The following PALLD variants were observed in gnomAD, a reference collection of about 807,000 sequenced individuals.
PALLD encodes palladin.
PALLD carries 61 observed loss-of-function variants against 123.5 expected under a neutral mutation model. That is an observed-to-expected ratio of 0.49 (90% confidence interval 0.40 to 0.61). The LOEUF is 0.61. PALLD is among the 20% of genes least tolerant of loss of function. The pLI is 0.00. For missense variants in PALLD, 1,273 were observed against 1,377.0 expected (o/e 0.92, Z 1.20); for synonymous variants, 465 against 496.4 (o/e 0.94, Z 0.84).
intron 10 of PALLD, among the ~76,000 whole-genome samples, chr4:168,783,062 G>A (rs906022408): frequency 5.9e-4 from 87 of 148,428 alleles, no homozygotes; most frequent in African/African-American, 2.0e-3. Context: ...GTGTGTGTGT[G>A]TGTGTGTGTG....
chr4:168,679,150 TG>T (rs1407793849), intron 3 of PALLD, among the ~76,000 whole-genome samples: 6 of 71,076 alleles, frequency 8.4e-5, no homozygotes, highest in African/African-American at 3.8e-4. Context: ...ATGTGGTGTG[TG>T]GGGGGTGTGT....
intron 10 of PALLD, among the ~76,000 whole-genome samples, chr4:168,873,513 T>C (rs779876636): frequency 4.6e-5 from 7 of 152,240 alleles, no homozygotes; most frequent in Non-Finnish European, 7.3e-5. Flanking sequence ...AATCCAGATA[T>C]TGCTCCAGAG....
At chr4:168,604,732 C>A (rs2149738467) in intron 2 of PALLD, among the ~76,000 whole-genome samples, 1 of 152,330 alleles carries the variant, frequency 6.6e-6, no homozygotes, top group South Asian at 2.1e-4. Flanking sequence ...GAAATGCTCG[C>A]TACCTAACAA....
chr4:168,899,138 A>C (rs1382427228), intron 14 of PALLD, among the ~76,000 whole-genome samples: 1 of 152,168 alleles, frequency 6.6e-6, no homozygotes, highest in African/African-American at 2.4e-5. Flanking sequence ...TCCAATCTTT[A>C]ATCAAAAAAC....
At chr4:168,764,443 G>A (rs922154312) in intron 10 of PALLD, among the ~76,000 whole-genome samples, 3 of 152,102 alleles carry the variant, frequency 2.0e-5, no homozygotes, top group Non-Finnish European at 4.4e-5. Context: ...ATCTTTCTAT[G>A]TTGTCCAGGC....
chr4:168,736,783 C>G (rs1010407992), intron 10 of PALLD, among the ~76,000 whole-genome samples: 1 of 152,152 alleles, frequency 6.6e-6, no homozygotes, highest in African/African-American at 2.4e-5. Context: ...AACACTGACC[C>G]TCAAGTTTGT....
In PALLD at chr4:168,704,485, C is replaced by T. The variant is rs548924788; in HGVS notation, c.1502-4543C>T. Among the ~76,000 whole-genome samples the T allele has an allele frequency of 3.3e-5, 5 of 152,072 alleles. No homozygotes were observed. The East Asian group carries it at 5.8e-4, about 18-fold the overall frequency. Reference sequence around the variant, plus strand: ...AGGAGATCCAGACCATCCTGGCTAACACAGTGAAACCCCGTCTCTACTAAA... The same window carrying T: ...AGGAGATCCAGACCATCCTGGCTAATACAGTGAAACCCCGTCTCTACTAAA... On this transcript the variant is annotated intron_variant, in intron 8 of 21. Coordinates refer to ENST00000505667, the MANE Select transcript of PALLD (RefSeq NM_001166108.2).
chr4:168,717,331 C>A (rs920565489), intron 10 of PALLD, among the ~76,000 whole-genome samples: 1 of 151,906 alleles, frequency 6.6e-6, no homozygotes, highest in Non-Finnish European at 1.5e-5. Context: ...ATCTGCCTAA[C>A]GTTCTTTTTT....
intron 10 of PALLD, among the ~76,000 whole-genome samples, chr4:168,792,223 G>A (rs189617652): frequency 2.0e-5 from 3 of 152,194 alleles, no homozygotes; most frequent in Admixed American, 2.0e-4. Flanking sequence ...GGAGTCCCCA[G>A]CTTCCTTGTC....
chr4:168,729,510 CA>C, intron 10 of PALLD, among the ~76,000 whole-genome samples: 1 of 152,220 alleles, frequency 6.6e-6, no homozygotes, highest in African/African-American at 2.4e-5. Context: ...TTTCCTGCTC[CA>C]AAAGTAGTGC....
chr4:168,803,404 A>G lies in PALLD; in HGVS notation c.1965-87518A>G, dbSNP rs72988919. 2.9e-3 allele frequency among the ~76,000 whole-genome samples: 442 copies of G among 152,326 alleles called. 1 individual carries two copies. Among genetic ancestry groups the G allele is most frequent in the African/African-American group, 0.01 (421 of 41,566 alleles). ...ACTTGCATATATACTCCCTGAATCT[A>G]AAATAAAAGTTGAAAAAAATTTTAA... On this transcript the variant is annotated intron_variant, in intron 10 of 21. Coordinates refer to ENST00000505667, the MANE Select transcript of PALLD (RefSeq NM_001166108.2).
intron 2 of PALLD, among the ~76,000 whole-genome samples, chr4:168,599,978 T>TATACATACATGTGTGTACACACACATAC (rs1772388842): frequency 6.7e-6 from 1 of 148,282 alleles, no homozygotes; most frequent in African/African-American, 2.5e-5. Flanking sequence ...CACACACATA[T>TATACATACATGTGTGTACACACACATAC]ATACATACAT....
intron 10 of PALLD, among the ~76,000 whole-genome samples, chr4:168,761,641 G>GTTTTT (rs1230404942): frequency 1.2e-3 from 14 of 11,630 alleles, no homozygotes; most frequent in East Asian, 9.1e-3. Context: ...TGTTGTTGTT[G>GTTTTT]TTTGTTTTTT....
At chr4:168,627,493 G>A (rs1285577200) in intron 2 of PALLD, among the ~76,000 whole-genome samples, 2 of 152,180 alleles carry the variant, frequency 1.3e-5, no homozygotes, top group African/African-American at 4.8e-5. Flanking sequence ...CTGGGTGACA[G>A]AGTGAGACTC....
chr4:168,557,096 T>C, intron 2 of PALLD, among the ~76,000 whole-genome samples: 1 of 150,150 alleles, frequency 6.7e-6, no homozygotes, highest in East Asian at 1.9e-4. Flanking sequence ...CAGGCTGGAG[T>C]GCAGTGACGG....
chr4:168,532,011 T>C (rs754348592), intron 2 of PALLD, among the ~76,000 whole-genome samples: 2 of 152,210 alleles, frequency 1.3e-5, no homozygotes, highest in Non-Finnish European at 2.9e-5. Context: ...TGGGGCTTTG[T>C]TGTACAGATT....
intron 10 of PALLD, among the ~76,000 whole-genome samples, chr4:168,850,765 C>T (rs992528616): frequency 2.6e-5 from 4 of 151,930 alleles, no homozygotes; most frequent in African/African-American, 4.8e-5. Context: ...TTCCTGACCT[C>T]AGGTGATCCG....
At chr4:168,841,656 T>C (rs567397511) in intron 10 of PALLD, among the ~76,000 whole-genome samples, 6 of 152,310 alleles carry the variant, frequency 3.9e-5, no homozygotes, top group African/African-American at 1.2e-4. Context: ...GGCTCTATAA[T>C]ATCTGAGCTC....
In PALLD at chr4:168,894,682, C is replaced by T; in HGVS notation, c.2199+5C>T. On this transcript the variant is annotated splice_donor_5th_base_variant and intron_variant, in intron 12 of 21. Transcript: ENST00000505667. ...GAAGAGGAAACAGCTAATCAGGTACCATGTTGCTCTGGACTTCTTAGGGTA... is the reference window on the plus strand; with the variant it reads ...GAAGAGGAAACAGCTAATCAGGTACTATGTTGCTCTGGACTTCTTAGGGTA... 1 of 1,612,510 alleles carries T rather than the reference C, an allele frequency of 6.2e-7. No individual in the cohort carries two copies. The highest frequency in any genetic ancestry group is 8.5e-7 in the Non-Finnish European group (1 of 1,179,076).
Sources: allele counts gnomAD v4.1 joint callset (sites outside exome capture counted in the v4.1 genomes callset), GRCh38; gene constraint gnomAD v4.1.1; transcripts MANE v1.5; gene names NCBI Gene and HGNC (gene_info 2026-07-23, HGNC 2026-07-21).